Variants in CRB1 observed in about 807,000 individuals in gnomAD.
CRB1 encodes the protein crumbs cell polarity complex component 1.
A neutral mutation model predicts 120.0 loss-of-function variants in CRB1; 83 were observed. The observed-to-expected ratio is 0.69, with a 90% CI of 0.58 to 0.83. The LOEUF (loss-of-function observed/expected upper bound fraction) is 0.83, where lower values mean the gene tolerates loss of function less well. Ranked by LOEUF, CRB1 falls within the 40% of genes least tolerant of loss-of-function variation. The pLI is 0.00. For missense variants in CRB1, 1,699 were observed against 1,687.6 expected (o/e 1.01, Z -0.12); for synonymous variants, 625 against 612.5 (o/e 1.02, Z -0.30).
chr1:197,220,743 G>C, the CRB1 span, among the ~76,000 whole-genome samples: 1 of 152,090 alleles, frequency 6.6e-6, no homozygotes, highest in African/African-American at 2.4e-5. Flanking sequence ...TCATGGGGGT[G>C]AATTTCCCCC....
At chr1:197,447,781 G>A (rs925412833) in intron 11 of CRB1, among the ~76,000 whole-genome samples, 1 of 150,226 alleles carries the variant, frequency 6.7e-6, no homozygotes, top group African/African-American at 2.5e-5. Context: ...CTGAGCCTGG[G>A]AAGTCGAGGC....
intron 11 of CRB1, among the ~76,000 whole-genome samples, chr1:197,469,349 A>T (rs1269515542): frequency 1.3e-5 from 2 of 152,124 alleles, no homozygotes; most frequent in East Asian, 1.9e-4. Context: ...TGGATGGAGG[A>T]TGTAGATTCT....
At chr1:197,291,242 T>C (rs1375163678) in intron 1 of CRB1, among the ~76,000 whole-genome samples, 1 of 151,878 alleles carries the variant, frequency 6.6e-6, no homozygotes, top group African/African-American at 2.4e-5. Flanking sequence ...ATAATGAAAA[T>C]ACTTAAATAT....
At chr1:197,400,304 CTTT>C (rs200472313) in intron 5 of CRB1, among the ~76,000 whole-genome samples, 23 of 127,046 alleles carry the variant, frequency 1.8e-4, no homozygotes, top group Non-Finnish European at 1.7e-4. Flanking sequence ...AATGTAAGAG[CTTT>C]TTTTTTTTTT....
At chr1:197,293,601 C>G (rs986083289) in intron 1 of CRB1, among the ~76,000 whole-genome samples, 19 of 152,192 alleles carry the variant, frequency 1.2e-4, no homozygotes, top group African/African-American at 4.6e-4. Context: ...GCCCGCGTCG[C>G]CAAGTCAATC....
chr1:197,440,289 A>G (rs1271743097), intron 10 of CRB1: 2 of 152,246 alleles, frequency 1.3e-5, no homozygotes, highest in Non-Finnish European at 2.9e-5. Flanking sequence ...TACAACAAAT[A>G]TCTCCCTGTC....
At chr1:197,213,525 G>A in the CRB1 span, among the ~76,000 whole-genome samples, 12 of 152,244 alleles carry the variant, frequency 7.9e-5, no homozygotes, top group African/African-American at 1.2e-4. Flanking sequence ...AATCCCATGT[G>A]ACTCAGAAAG....
chr1:197,465,982 G>A (rs1053275072), intron 11 of CRB1, among the ~76,000 whole-genome samples: 3 of 152,152 alleles, frequency 2.0e-5, no homozygotes, highest in Non-Finnish European at 2.9e-5. Context: ...TATTTTACAT[G>A]GGTGACTTGA....
intron 3 of CRB1, among the ~76,000 whole-genome samples, 168 bp from the exon 4 acceptor site, chr1:197,347,172 A>G (rs150131543): frequency 6.6e-5 from 10 of 152,350 alleles, no homozygotes; most frequent in Admixed American, 2.0e-4. Context: ...AGACATTAAT[A>G]TGGAAATAAA....
upstream of CRB1, chr1:197,268,131 G>C: frequency 2.5e-6 from 1 of 401,572 alleles, no homozygotes; most frequent in Non-Finnish European, 4.7e-6. Flanking sequence ...AAAACTCGCA[G>C]CAAAGGCTTG....
intron 5 of CRB1, among the ~76,000 whole-genome samples, chr1:197,369,000 C>T (rs1459289180): frequency 6.6e-6 from 1 of 152,018 alleles, no homozygotes; most frequent in African/African-American, 2.4e-5. Context: ...AATAGCCAAA[C>T]GTTTGTTAGA....
chr1:197,327,606 T>C (rs1049407591), intron 1 of CRB1, among the ~76,000 whole-genome samples: 58 of 152,262 alleles, frequency 3.8e-4, no homozygotes, highest in African/African-American at 1.3e-3. Flanking sequence ...TGGTCAAATT[T>C]GTTTTTACTT....
chr1:197,260,651 A>G, the CRB1 span, among the ~76,000 whole-genome samples: 3 of 152,172 alleles, frequency 2.0e-5, no homozygotes, highest in African/African-American at 7.2e-5. Context: ...TTTATAGCAG[A>G]CTAAGAATTA....
chr1:197,423,120 T>C (rs1664418575), intron 6 of CRB1, among the ~76,000 whole-genome samples: 1 of 152,200 alleles, frequency 6.6e-6, no homozygotes, highest in African/African-American at 2.4e-5. Context: ...AAAAATTTAA[T>C]TGACCTAAGG....
chr1:197,401,677 A>G (rs1041818503), intron 5 of CRB1, among the ~76,000 whole-genome samples: 1 of 152,110 alleles, frequency 6.6e-6, no homozygotes, highest in Non-Finnish European at 1.5e-5. Flanking sequence ...ATATTTGATA[A>G]TGTACTATTT....
At chr1:197,365,678 C>T (rs1661033853) in intron 5 of CRB1, among the ~76,000 whole-genome samples, 1 of 129,522 alleles carries the variant, frequency 7.7e-6, no homozygotes, top group Admixed American at 8.3e-5. Flanking sequence ...TTTGCCCATT[C>T]TTCCAGGCTC....
chr1:197,319,425 T>C (rs1658053219), intron 1 of CRB1, among the ~76,000 whole-genome samples: 2 of 65,004 alleles, frequency 3.1e-5, no homozygotes, highest in African/African-American at 7.1e-5. Flanking sequence ...AGAGTGAGAC[T>C]CCATCTCAAA....
intron 5 of CRB1, among the ~76,000 whole-genome samples, chr1:197,382,349 A>T (rs937469769): frequency 3.3e-4 from 50 of 152,116 alleles, no homozygotes; most frequent in African/African-American, 1.1e-3. Flanking sequence ...AATACCTTAT[A>T]CTGCTCCTGG....
upstream of CRB1, among the ~76,000 whole-genome samples, chr1:197,264,254 C>CTGTGT (rs1654582663): frequency 6.6e-6 from 1 of 152,050 alleles, no homozygotes; most frequent in African/African-American, 2.4e-5. Flanking sequence ...GAGTTGTTTC[C>CTGTGT]CTTCAGATAA....
Sources: gnomAD v4.1 joint callset for allele counts (sites outside exome capture counted in the v4.1 genomes callset) on GRCh38, gnomAD v4.1.1 for gene constraint, MANE v1.5 for transcripts, NCBI Gene and HGNC (gene_info 2026-07-23, HGNC 2026-07-21) for gene names.